Variants in TRDN observed in about 807,000 individuals in gnomAD.
TRDN encodes triadin in skeletal muscle.
In TRDN, 161 loss-of-function variants were observed where a neutral mutation model predicts 149.7. The ratio of observed to expected loss-of-function variants is 1.08; its 90% CI spans 0.95 to 1.23. The LOEUF (loss-of-function observed/expected upper bound fraction) is 1.23. Ranked by LOEUF, TRDN falls within the 50% of genes most tolerant of loss-of-function variation. TRDN has a pLI of 0.00. For synonymous variants in TRDN, 294 were observed against 250.5 expected (o/e 1.17, Z -1.64); for missense variants, 896 against 823.5 (o/e 1.09, Z -1.08).
chr6:123,329,817 A>AATG (rs532811904), intron 23 of TRDN, among the ~76,000 whole-genome samples: 70 of 152,246 alleles, frequency 4.6e-4, no homozygotes, highest in African/African-American at 1.3e-3. Context: ...TAATAATAAT[A>AATG]ATAAAATGGG....
chr6:123,225,140 T>C (rs1202439086), intron 38 of TRDN, among the ~76,000 whole-genome samples: 1 of 151,644 alleles, frequency 6.6e-6, no homozygotes, highest in Non-Finnish European at 1.5e-5. Context: ...AAAGATGCCT[T>C]ATATTATTAA....
intron 9 of TRDN, among the ~76,000 whole-genome samples, chr6:123,473,179 G>T (rs1777275377): frequency 6.6e-6 from 1 of 152,086 alleles, no homozygotes; most frequent in African/African-American, 2.4e-5. Context: ...CAAACGCAAA[G>T]AAGTTGAAAA....
chr6:123,581,363 C>CT (rs1335910286), intron 1 of TRDN, among the ~76,000 whole-genome samples: 5 of 152,090 alleles, frequency 3.3e-5, no homozygotes, highest in South Asian at 4.1e-4. Flanking sequence ...ATTATTCTGA[C>CT]TTTTTTTATA....
At chr6:123,332,071 C>A in intron 22 of TRDN, 142 bp from the exon 23 acceptor site, 1 of 586,802 alleles carries the variant, frequency 1.7e-6, no homozygotes, top group South Asian at 2.6e-5. Context: ...TGGTTTTACT[C>A]ATATAGGGAC....
At chr6:123,313,729 T>C (rs1041406853) in intron 24 of TRDN, among the ~76,000 whole-genome samples, 3 of 152,022 alleles carry the variant, frequency 2.0e-5, no homozygotes, top group African/African-American at 7.2e-5. Flanking sequence ...TACAACTATC[T>C]GATCTTTGAC....
intron 21 of TRDN, chr6:123,350,184 T>A: frequency 1.0e-6 from 1 of 970,460 alleles, no homozygotes; most frequent in Non-Finnish European, 1.2e-6. Flanking sequence ...AAAAATATTT[T>A]TGTCGTGTTT....
At chr6:123,351,180 T>A (rs1780450372) in intron 21 of TRDN, 1 of 984,292 alleles carries the variant, frequency 1.0e-6, no homozygotes, top group Non-Finnish European at 1.2e-6. Flanking sequence ...TTTGATAATT[T>A]ATGTCATCTG....
chr6:123,600,796 A>G (rs1055507726), intron 1 of TRDN, among the ~76,000 whole-genome samples: 2 of 152,128 alleles, frequency 1.3e-5, no homozygotes, highest in African/African-American at 2.4e-5. Context: ...GTACAGGGAT[A>G]ATTCTACTGT....
intron 5 of TRDN, among the ~76,000 whole-genome samples, chr6:123,517,019 A>C (rs769978055): frequency 2.0e-5 from 3 of 152,166 alleles, no homozygotes; most frequent in Non-Finnish European, 4.4e-5. Flanking sequence ...CTATGTGCTA[A>C]AGACTCTCCT....
chr6:123,498,457 G>A, intron 8 of TRDN: 1 of 440,280 alleles, frequency 2.3e-6, no homozygotes, highest in South Asian at 1.7e-5. Flanking sequence ...ACCTAAATAA[G>A]GGCAGGCCAA....
At position 123,259,513 on chromosome 6, in the gene TRDN, GTCTTCA is replaced by G. The variant is rs1010526584; in HGVS notation, c.1870+105_1870+110del. On this transcript the variant is annotated intron_variant, in intron 35 of 40. Coordinates refer to ENST00000334268, the MANE Select transcript of TRDN (RefSeq NM_006073.4). Reference sequence around the variant, plus strand: ...TTATGATATGTGCTATAAAATCAGTGTCTTCATTTTCATCAACTGTTTTTAAATCAT... The same window carrying G: ...TTATGATATGTGCTATAAAATCAGTGTTTTCATCAACTGTTTTTAAATCAT... 4.3e-6 allele frequency: 3 copies of G among 704,948 alleles called. No individual in the cohort carries two copies. The African/African-American group carries it at 5.5e-5, about 13-fold the overall frequency. 43.7% of individuals were successfully genotyped at this position (704,948 alleles called of 1,614,324 possible). A position where few individuals can be genotyped will look rare whatever the true frequency, so the allele number is the denominator to read the frequency against.
At chr6:123,583,599 G>C (rs575644768) in intron 1 of TRDN, among the ~76,000 whole-genome samples, 2 of 151,454 alleles carry the variant, frequency 1.3e-5, no homozygotes, top group East Asian at 3.9e-4. Context: ...CTGCTTGGCT[G>C]ATTTGACTAA....
At chr6:123,537,571 T>G (rs1004826286) in intron 4 of TRDN, among the ~76,000 whole-genome samples, 1 of 152,168 alleles carries the variant, frequency 6.6e-6, no homozygotes, top group African/African-American at 2.4e-5. Context: ...TTTTTCTTCC[T>G]CCTCATGAGG....
intron 33 of TRDN, 34 bp downstream of exon 33, chr6:123,265,284 G>C: frequency 7.2e-7 from 1 of 1,382,970 alleles, no homozygotes; most frequent in Non-Finnish European, 9.7e-7. Flanking sequence ...CAATGAAATA[G>C]GACAATTTTA....
At chr6:123,556,134 T>C (rs1781641806) in intron 2 of TRDN, among the ~76,000 whole-genome samples, 1 of 152,172 alleles carries the variant, frequency 6.6e-6, no homozygotes. Flanking sequence ...GATGCTTTTG[T>C]AAAGAGAAGA....
At chr6:123,606,096 G>A (rs1034294565) in intron 1 of TRDN, among the ~76,000 whole-genome samples, 1 of 151,934 alleles carries the variant, frequency 6.6e-6, no homozygotes, top group African/African-American at 2.4e-5. Flanking sequence ...TATTTATAGT[G>A]CAAGCAAGAT....
chr6:123,474,521 C>G (rs9375253), intron 9 of TRDN, among the ~76,000 whole-genome samples: 103,378 of 151,472 alleles, frequency 0.68, 35,750 homozygotes, highest in East Asian at 0.85. Flanking sequence ...GATCAACAGA[C>G]AGAAAGTCAA....
At chr6:123,354,123 G>A (rs1374059985) in intron 20 of TRDN, among the ~76,000 whole-genome samples, 1 of 151,740 alleles carries the variant, frequency 6.6e-6, no homozygotes, top group Non-Finnish European at 1.5e-5. Flanking sequence ...GTGCAGTTTA[G>A]CCTGAAATTA....
chr6:123,269,835 T>C lies in TRDN; in HGVS notation c.1738+14A>G. On this transcript the variant is annotated intron_variant, in intron 31 of 40. Coordinates refer to ENST00000334268, the MANE Select transcript of TRDN (RefSeq NM_006073.4). Reference sequence around the variant, plus strand: ...AAGCGATATTTCTCAGGTGTTATTCTATTCATCTCTTACTTGTTGGTTTGG... The same window carrying C: ...AAGCGATATTTCTCAGGTGTTATTCCATTCATCTCTTACTTGTTGGTTTGG... The C allele has an allele frequency of 1.2e-6, 2 of 1,609,884 alleles. No homozygotes were observed. Among genetic ancestry groups the C allele is most frequent in the Non-Finnish European group, 1.7e-6 (2 of 1,177,752 alleles).
Sources: gnomAD v4.1 joint callset for allele counts (sites outside exome capture counted in the v4.1 genomes callset) on GRCh38, gnomAD v4.1.1 for gene constraint, MANE v1.5 for transcripts, NCBI Gene and HGNC (gene_info 2026-07-23, HGNC 2026-07-21) for gene names.